The following CNTLN variants were observed in gnomAD, a reference collection of about 807,000 sequenced individuals.
CNTLN encodes centlein, centrosomal protein.
In CNTLN, 212 loss-of-function variants were observed where a neutral mutation model predicts 180.0. That is an observed-to-expected ratio of 1.18 (90% CI 1.05 to 1.32). The LOEUF (loss-of-function observed/expected upper bound fraction) is 1.32, where lower values mean the gene tolerates loss of function less well. Ranked by LOEUF, CNTLN falls within the 40% of genes most tolerant of loss-of-function variation. CNTLN has a pLI of 0.00. For missense variants in CNTLN, 2,095 were observed against 1,610.9 expected, an observed-to-expected ratio of 1.30 and a Z score of -5.14; for synonymous variants, 722 against 563.1, an observed-to-expected ratio of 1.28 and a Z score of -3.99.
intron 18 of CNTLN, among the ~76,000 whole-genome samples, chr9:17,428,111 T>A (rs1158231403): frequency 6.6e-6 from 1 of 152,160 alleles, no homozygotes; most frequent in African/African-American, 2.4e-5. Flanking sequence ...AGGAATGGCA[T>A]TTCTGAGAAG....
chr9:17,452,268 A>T lies in CNTLN; in HGVS notation c.3115-5256A>T, dbSNP rs1830830013. Among the ~76,000 whole-genome samples the T allele has an allele frequency of 2.0e-5, 3 of 152,262 alleles. No homozygotes were observed. In the South Asian group the frequency reaches 6.2e-4, roughly 32 times the overall value. The stretch of plus-strand genomic sequence containing the variant: ...CTGGTAGTTCATTCCTAAACATTAA[A>T]ATGTTTACCAGGTCTCCCTGATGGA... On this transcript the variant is annotated intron_variant, in intron 18 of 25. Coordinates refer to ENST00000380647, the MANE Select transcript of CNTLN (RefSeq NM_017738.4).
intron 14 of CNTLN, among the ~76,000 whole-genome samples, chr9:17,389,984 A>C (rs1825970194): frequency 6.6e-6 from 1 of 152,140 alleles, no homozygotes; most frequent in South Asian, 2.1e-4. Flanking sequence ...AGACAAATAC[A>C]GAGGGAAGTC....
chr9:17,436,607 C>G (rs748189223), intron 18 of CNTLN, among the ~76,000 whole-genome samples: 8 of 152,080 alleles, frequency 5.3e-5, no homozygotes, highest in Non-Finnish European at 7.4e-5. Context: ...CTAAAAGGGC[C>G]TTATTTCGTG....
At chr9:17,294,904 GGAGGGCGGGGGGGAGTGGGGGGAGGGC>G (rs1817743294) in intron 6 of CNTLN, among the ~76,000 whole-genome samples, 5 of 78,790 alleles carry the variant, frequency 6.3e-5, no homozygotes, top group Admixed American at 1.2e-4. Context: ...GGGAGTGGGG[GGAGGGCGGGGGGGAGTGGGGGGAGGGC>G]GGGGGAGGCT....
intron 2 of CNTLN, among the ~76,000 whole-genome samples, chr9:17,203,400 G>A (rs1052430727): frequency 6.6e-6 from 1 of 152,096 alleles, no homozygotes; most frequent in African/African-American, 2.4e-5. Flanking sequence ...GGTTGGGGAT[G>A]TTCTCCTGGA....
At chr9:17,397,209 A>G (rs1304823634) in intron 15 of CNTLN, among the ~76,000 whole-genome samples, 1 of 152,186 alleles carries the variant, frequency 6.6e-6, no homozygotes, top group Non-Finnish European at 1.5e-5. Flanking sequence ...CCCAATTCAG[A>G]CCCCAAGAGA....
chr9:17,474,098 A>C (rs1832192900), intron 23 of CNTLN, among the ~76,000 whole-genome samples: 1 of 152,080 alleles, frequency 6.6e-6, no homozygotes, highest in Non-Finnish European at 1.5e-5. Flanking sequence ...CTCTCTAGAC[A>C]ATCTGTACCA....
intron 8 of CNTLN, among the ~76,000 whole-genome samples, chr9:17,312,553 ATTTTTTTTT>A (rs56915301): frequency 8.0e-5 from 8 of 100,424 alleles, no homozygotes; most frequent in African/African-American, 1.9e-4. Context: ...AGCCCGGCTA[ATTTTTTTTT>A]TTTTTTTTTT....
At chr9:17,420,173 C>T (rs906258995) in intron 18 of CNTLN, among the ~76,000 whole-genome samples, 15 of 152,102 alleles carry the variant, frequency 9.9e-5, no homozygotes, top group African/African-American at 3.6e-4. Flanking sequence ...CACCAGCCTC[C>T]CAAAGTGTAG....
intron 2 of CNTLN, among the ~76,000 whole-genome samples, chr9:17,165,306 C>G (rs996150676): frequency 1.2e-4 from 18 of 151,948 alleles, no homozygotes; most frequent in African/African-American, 4.4e-4. Context: ...TTTATCTTTA[C>G]CTCCTCCCCA....
At chr9:17,381,164 A>G (rs1825222331) in intron 13 of CNTLN, among the ~76,000 whole-genome samples, 1 of 152,244 alleles carries the variant, frequency 6.6e-6, no homozygotes, top group Non-Finnish European at 1.5e-5. Flanking sequence ...AACAGGCATG[A>G]CAGCCAAATC....
intron 5 of CNTLN, among the ~76,000 whole-genome samples, chr9:17,267,798 A>G (rs889696880): frequency 6.6e-6 from 1 of 152,040 alleles, no homozygotes; most frequent in African/African-American, 2.4e-5. Flanking sequence ...TTCATCTTCC[A>G]TCACTGATAC....
At chr9:17,351,049 A>G (rs1164348989) in intron 12 of CNTLN, among the ~76,000 whole-genome samples, 1 of 152,174 alleles carries the variant, frequency 6.6e-6, no homozygotes, top group African/African-American at 2.4e-5. Context: ...TAACTAAAGG[A>G]TACTTTTTCA....
chr9:17,299,598 C>G (rs1818206552), intron 7 of CNTLN: 3 of 985,254 alleles, frequency 3.0e-6, no homozygotes, highest in African/African-American at 1.7e-5. Flanking sequence ...TCCCAAGGAC[C>G]TAGATGATAG....
intron 2 of CNTLN, among the ~76,000 whole-genome samples, chr9:17,170,575 T>A (rs1820358334): frequency 6.6e-6 from 1 of 152,114 alleles, no homozygotes; most frequent in South Asian, 2.1e-4. Flanking sequence ...ATTCTTCTGC[T>A]TGATTAAATC....
chr9:17,412,015 GC>G (rs1357410685), intron 16 of CNTLN, among the ~76,000 whole-genome samples: 2 of 151,714 alleles, frequency 1.3e-5, no homozygotes, highest in African/African-American at 2.4e-5. Flanking sequence ...TACCTAACAA[GC>G]CCCCACCCCC....
intron 6 of CNTLN, among the ~76,000 whole-genome samples, chr9:17,278,057 G>T (rs1828426005): frequency 6.6e-6 from 1 of 152,128 alleles, no homozygotes; most frequent in African/African-American, 2.4e-5. Context: ...ACCTTAGACA[G>T]AGGAACACAG....
At chr9:17,318,221 G>A (rs1310858027) in intron 8 of CNTLN, among the ~76,000 whole-genome samples, 1 of 151,772 alleles carries the variant, frequency 6.6e-6, no homozygotes, top group Admixed American at 6.6e-5. Context: ...AGTAGAGATG[G>A]GGTTTCACCG....
chr9:17,523,127 A>T, the CNTLN span, among the ~76,000 whole-genome samples: 1 of 152,190 alleles, frequency 6.6e-6, no homozygotes, highest in East Asian at 1.9e-4. Flanking sequence ...TTTATGACCA[A>T]TGTTGACACT....
Sources: allele counts gnomAD v4.1 joint callset (sites outside exome capture counted in the v4.1 genomes callset), GRCh38; gene constraint gnomAD v4.1.1; transcripts MANE v1.5; gene names NCBI Gene and HGNC (gene_info 2026-07-23, HGNC 2026-07-21).